Variants in TCF25 observed in about 807,000 individuals in gnomAD.
TCF25 encodes TCF25 ribosome quality control complex subunit.
TCF25 carries 41 observed loss-of-function variants against 83.1 expected under a neutral mutation model. That is an observed-to-expected ratio of 0.49 (90% CI 0.38 to 0.64). The LOEUF (loss-of-function observed/expected upper bound fraction) is 0.64. Among genes scored for constraint, TCF25 ranks in the 30% least tolerant of loss-of-function variants. The probability of loss-of-function intolerance (pLI) is 0.00; values close to 1 mark genes in which losing one functional copy is unlikely to be tolerated. For synonymous variants in TCF25, 458 were observed against 365.0 expected (o/e 1.25, Z -2.90); for missense variants, 979 against 914.5 (o/e 1.07, Z -0.91).
chr16:89,887,999 C>CTG (rs1173062159), intron 5 of TCF25, among the ~76,000 whole-genome samples: 3 of 152,204 alleles, frequency 2.0e-5, no homozygotes, highest in Non-Finnish European at 4.4e-5. Flanking sequence ...GAGTGCAGTG[C>CTG]TCACGCCTGT....
intron 16 of TCF25, among the ~76,000 whole-genome samples, chr16:89,908,497 GCAGTTCC>G (rs2045198778): frequency 3.9e-5 from 1 of 25,484 alleles, no homozygotes; most frequent in Non-Finnish European, 8.3e-5. Flanking sequence ...CTCTTTCCTC[GCAGTTCC>G]CACCTCCCAC....
chr16:89,887,436 G>A (rs545738012), intron 4 of TCF25, among the ~76,000 whole-genome samples: 3 of 152,324 alleles, frequency 2.0e-5, no homozygotes, highest in South Asian at 2.1e-4. Flanking sequence ...CTCACCGAGC[G>A]CCCTCACGGC....
Position 89,880,103 on chromosome 16 carries a change from G to A in TCF25, c.193-3248G>A, listed in dbSNP as rs368684853. On this transcript the variant is annotated intron_variant, in intron 1 of 17. Transcript: ENST00000263346. ...TGTCCATGTACACAGACAGGCTCCCGGGCCTATCATGTGTGCTGTCTGTGT... is the reference window on the plus strand; with the variant it reads ...TGTCCATGTACACAGACAGGCTCCCAGGCCTATCATGTGTGCTGTCTGTGT... Among the ~76,000 whole-genome samples the A allele has an allele frequency of 5.9e-5, 9 of 151,464 alleles. No homozygotes were observed. The East Asian group carries it at 9.7e-4, about 16-fold the overall frequency.
intron 12 of TCF25, among the ~76,000 whole-genome samples, chr16:89,902,941 G>A (rs1567731651): frequency 6.6e-6 from 1 of 152,216 alleles, no homozygotes; most frequent in East Asian, 1.9e-4. Context: ...CGTGGGGTTG[G>A]GCAGCTTCTA....
chr16:89,905,522 G>A (rs530678421), intron 14 of TCF25, among the ~76,000 whole-genome samples: 10 of 152,344 alleles, frequency 6.6e-5, no homozygotes, highest in African/African-American at 2.2e-4. Flanking sequence ...TCCCCTTGCT[G>A]TTCTTGTCTC....
chr16:89,888,093 C>T (rs971504689), intron 5 of TCF25, among the ~76,000 whole-genome samples: 2 of 151,748 alleles, frequency 1.3e-5, no homozygotes, highest in African/African-American at 4.8e-5. Context: ...AGTGAAACCC[C>T]GTCTCTACTG....
rs2042756650 is a variant in TCF25, at chr16:89,883,487, A to G, written c.329A>G (p.Asp110Gly). Residue 110 changes from aspartate to glycine, a missense_variant, in exon 2 of 18, where the codon GAC (aspartate) becomes GGC (glycine). Physicochemically the swap from Asp to Gly is moderately conservative, Grantham distance 94. Coordinates refer to ENST00000263346, the MANE Select transcript of TCF25 (RefSeq NM_014972.3). ...ACAGAGAGCAAGACGGATGGAGATGACACCGAGACAGTGCCCTCAGAGCAG... is the reference window on the plus strand; with the variant it reads ...ACAGAGAGCAAGACGGATGGAGATGGCACCGAGACAGTGCCCTCAGAGCAG... ...GNTESKTDGD[D>G]TETVPSEQSH... The G allele has an allele frequency of 6.2e-7, 1 of 1,610,030 alleles. No homozygotes were observed. Among genetic ancestry groups the G allele is most frequent in the Admixed American group, 1.7e-5 (1 of 59,340 alleles).
chr16:89,898,738 T>C (rs749103971), intron 10 of TCF25, 29 bp from the exon 11 acceptor site: 8 of 1,613,536 alleles, frequency 5.0e-6, no homozygotes, highest in Non-Finnish European at 6.8e-6. Context: ...TGTTCCCCTT[T>C]GCTCTGCTCT....
At chr16:89,908,384 CCCTCCTT>C (rs200934164) in intron 16 of TCF25, among the ~76,000 whole-genome samples, 4 of 148,874 alleles carry the variant, frequency 2.7e-5, no homozygotes, top group Non-Finnish European at 4.5e-5. Context: ...GCTCCCACCT[CCCTCCTT>C]CCAGTTTCCA....
chr16:89,886,152 G>T, intron 4 of TCF25, 186 bp downstream of exon 4: 2 of 619,942 alleles, frequency 3.2e-6, no homozygotes, highest in Non-Finnish European at 6.0e-6. Context: ...TATTGGCTGG[G>T]CGTGGTGGCT....
intron 1 of TCF25, among the ~76,000 whole-genome samples, chr16:89,881,241 G>A (rs2042584805): frequency 6.6e-6 from 1 of 152,184 alleles, no homozygotes; most frequent in African/African-American, 2.4e-5. Flanking sequence ...TGTCTTCCCA[G>A]GTGCAGCCGA....
At chr16:89,885,496 G>A (rs1042547575) in intron 3 of TCF25, among the ~76,000 whole-genome samples, 3 of 152,130 alleles carry the variant, frequency 2.0e-5, no homozygotes, top group African/African-American at 7.2e-5. Context: ...ATTGCCCTTC[G>A]TCCTCGTCTG....
At chr16:89,889,575 A>C (rs1180333836) in intron 5 of TCF25, 2 of 157,026 alleles carry the variant, frequency 1.3e-5, no homozygotes, top group African/African-American at 2.5e-5. Context: ...TTCGAGACAG[A>C]ATTTTGCTCT....
chr16:89,886,053 T>TGCCCTTCTCTGCGGCTGCCCTTCTCTGC (rs1567705159), intron 4 of TCF25, 87 bp downstream of exon 4: 2 of 676,824 alleles, frequency 3.0e-6, no homozygotes, highest in East Asian at 6.8e-5. Flanking sequence ...CCCTTCTCTG[T>TGCCCTTCTCTGCGGCTGCCCTTCTCTGC]GGCTGCCACA....
intron 11 of TCF25, among the ~76,000 whole-genome samples, chr16:89,899,470 G>A (rs1456454601): frequency 6.6e-6 from 1 of 152,214 alleles, no homozygotes; most frequent in Non-Finnish European, 1.5e-5. Flanking sequence ...GGTGGCTCAC[G>A]CCTGTAATCC....
At chr16:89,884,761 G>GCCCTCT (rs2042859545) in intron 3 of TCF25, 105 bp downstream of exon 3, 2 of 1,012,772 alleles carry the variant, frequency 2.0e-6, no homozygotes, top group Non-Finnish European at 2.8e-6. Flanking sequence ...TCTGTCTGAC[G>GCCCTCT]CCCTCTCCCT....
chr16:89,898,525 T>C (rs748490493), intron 9 of TCF25, 32 bp from the exon 10 acceptor site: 2 of 1,605,746 alleles, frequency 1.2e-6, no homozygotes, highest in South Asian at 1.1e-5. Context: ...CTTTGTGTCG[T>C]TGTAATTCAT....
intron 1 of TCF25, among the ~76,000 whole-genome samples, chr16:89,879,277 T>A: frequency 6.9e-6 from 1 of 143,888 alleles, no homozygotes; most frequent in Non-Finnish European, 1.5e-5. Context: ...CTGTCACACG[T>A]GTTGTCCGTG....
intron 14 of TCF25, 158 bp from the exon 15 acceptor site, chr16:89,906,035 TG>T: frequency 1.5e-6 from 1 of 662,266 alleles, no homozygotes; most frequent in Non-Finnish European, 2.6e-6. Context: ...GGACCAGCCA[TG>T]GTGCCTCTGC....
Sources: allele counts gnomAD v4.1 joint callset (sites outside exome capture counted in the v4.1 genomes callset), GRCh38; gene constraint gnomAD v4.1.1; transcripts MANE v1.5; gene names NCBI Gene and HGNC (gene_info 2026-07-23, HGNC 2026-07-21).